The following EFCAB5 variants were observed in gnomAD, a reference collection of about 807,000 sequenced individuals.
EFCAB5 encodes the protein EF-hand calcium binding domain 5.
In EFCAB5, 131 loss-of-function variants were observed where a neutral mutation model predicts 167.9. The ratio of observed to expected loss-of-function variants is 0.78; its 90% CI spans 0.68 to 0.90. The LOEUF (loss-of-function observed/expected upper bound fraction) is 0.90. Ranked by LOEUF, EFCAB5 falls within the 40% of genes least tolerant of loss-of-function variation. The pLI is 0.00. For missense variants in EFCAB5, 1,663 were observed against 1,745.2 expected, an observed-to-expected ratio of 0.95 and a Z score of 0.84; for synonymous variants, 574 against 602.8, an observed-to-expected ratio of 0.95 and a Z score of 0.70.
intron 7 of EFCAB5, among the ~76,000 whole-genome samples, chr17:30,004,163 T>C (rs1299581195): frequency 6.6e-6 from 1 of 152,258 alleles, no homozygotes; most frequent in Non-Finnish European, 1.5e-5. Context: ...ATTCTCCCAA[T>C]GCACATGTGG....
At chr17:30,094,695 A>G (rs1043609178) in intron 22 of EFCAB5, among the ~76,000 whole-genome samples, 1 of 151,998 alleles carries the variant, frequency 6.6e-6, no homozygotes, top group Non-Finnish European at 1.5e-5. Flanking sequence ...AACAACAACA[A>G]CAAAAAGGAG....
At chr17:30,015,399 G>C (rs987045859) in intron 7 of EFCAB5, among the ~76,000 whole-genome samples, 2 of 152,126 alleles carry the variant, frequency 1.3e-5, no homozygotes, top group East Asian at 1.9e-4. Context: ...GTGTTTTCCA[G>C]CTTGGTTCCA....
intron 7 of EFCAB5, among the ~76,000 whole-genome samples, chr17:30,015,593 A>G (rs539434008): frequency 1.3e-5 from 2 of 152,140 alleles, no homozygotes; most frequent in Admixed American, 6.5e-5. Context: ...AAGGGTTGCA[A>G]TTGTTTCACA....
intron 4 of EFCAB5, among the ~76,000 whole-genome samples, chr17:29,981,864 A>G (rs1384809530): frequency 6.6e-6 from 1 of 152,196 alleles, no homozygotes; most frequent in East Asian, 1.9e-4. Context: ...ATCACTATTT[A>G]ATGAGGATGC....
intron 7 of EFCAB5, among the ~76,000 whole-genome samples, chr17:30,015,610 C>T (rs898586741): frequency 6.6e-6 from 1 of 152,180 alleles, no homozygotes; most frequent in African/African-American, 2.4e-5. Flanking sequence ...CACATCCTTG[C>T]CAACACTTAT....
chr17:30,036,352 A>G (rs1040842250), intron 8 of EFCAB5, among the ~76,000 whole-genome samples: 1 of 122,320 alleles, frequency 8.2e-6, no homozygotes, highest in South Asian at 2.2e-4. Context: ...TAATACACAT[A>G]TATAATATAT....
At chr17:29,974,465 C>A (rs916212747) in intron 4 of EFCAB5, among the ~76,000 whole-genome samples, 8 of 151,790 alleles carry the variant, frequency 5.3e-5, no homozygotes, top group African/African-American at 1.7e-4. Flanking sequence ...ATCACTTGAG[C>A]CTGGGAGATC....
chr17:29,984,182 A>C (rs1442825264), intron 4 of EFCAB5, among the ~76,000 whole-genome samples: 1 of 151,964 alleles, frequency 6.6e-6, no homozygotes, highest in East Asian at 1.9e-4. Flanking sequence ...AAAAACACAG[A>C]TACAGAAGAC....
chr17:30,042,690 A>G (rs1159180733), intron 8 of EFCAB5, among the ~76,000 whole-genome samples: 3 of 152,238 alleles, frequency 2.0e-5, no homozygotes, highest in Non-Finnish European at 2.9e-5. Flanking sequence ...AGATAGCATT[A>G]CTAATAAATT....
chr17:30,057,967 T>C (rs2070321180), intron 13 of EFCAB5, 77 bp downstream of exon 13: 4 of 1,323,002 alleles, frequency 3.0e-6, no homozygotes, highest in Admixed American at 2.2e-5. Context: ...TTGCTCCCGA[T>C]GTGGCTCGTG....
At position 30,080,211 on chromosome 17, in the gene EFCAB5, G is replaced by T. The variant is rs201042854; in HGVS notation, c.3167G>T (p.Arg1056Ile). 6.2e-7 allele frequency: 1 copy of T among 1,609,298 alleles called. No individual in the cohort carries two copies. The highest frequency in any genetic ancestry group is 8.5e-7 in the Non-Finnish European group (1 of 1,178,552). The change falls in exon 16 of 23, where the codon AGA becomes ATA. Residue 1056 changes from arginine to isoleucine, a missense_variant. Physicochemically the swap from Arg to Ile is moderately conservative, Grantham distance 97. Coordinates refer to ENST00000394835, the MANE Select transcript of EFCAB5 (RefSeq NM_198529.4). ...GATGATGCTCAATTTGTACTGAACA[G>T]AGTGCTCTACAGGGACATGAAAGGA... is the stretch of plus-strand genomic sequence containing the variant. Reference protein sequence around the residue: ...TLDDAQFVLNRVLYRDMKGIS... With the variant: ...TLDDAQFVLNIVLYRDMKGIS...
At chr17:30,051,905 A>G (rs901125201) in intron 9 of EFCAB5, among the ~76,000 whole-genome samples, 1 of 152,224 alleles carries the variant, frequency 6.6e-6, no homozygotes, top group Non-Finnish European at 1.5e-5. Flanking sequence ...GCATTTACTT[A>G]TACAGTAAAA....
chr17:30,055,759 C>CATAT (rs1437964192), intron 10 of EFCAB5, 129 bp from the exon 11 acceptor site: 1 of 876,028 alleles, frequency 1.1e-6, no homozygotes, highest in African/African-American at 1.7e-5. Context: ...TGCAACACTG[C>CATAT]ATATATGGGA....
At chr17:30,046,725 C>T (rs893018884) in intron 8 of EFCAB5, among the ~76,000 whole-genome samples, 21 of 152,232 alleles carry the variant, frequency 1.4e-4, no homozygotes, top group African/African-American at 5.1e-4. Flanking sequence ...GCAACCCCTT[C>T]TCTCCTGTCT....
chr17:30,048,545 A>G (rs2069992976), intron 8 of EFCAB5, among the ~76,000 whole-genome samples: 1 of 148,118 alleles, frequency 6.8e-6, no homozygotes, highest in Admixed American at 6.8e-5. Flanking sequence ...CCCAGGCTGG[A>G]GTACAGTGTC....
At chr17:30,041,568 G>T (rs1289136918) in intron 8 of EFCAB5, among the ~76,000 whole-genome samples, 1 of 152,174 alleles carries the variant, frequency 6.6e-6, no homozygotes, top group African/African-American at 2.4e-5. Context: ...GACAACAAAG[G>T]ATTTAGATTA....
At chr17:29,932,313 G>C (rs959033031) in intron 1 of EFCAB5, among the ~76,000 whole-genome samples, 14 of 151,124 alleles carry the variant, frequency 9.3e-5, no homozygotes, top group African/African-American at 3.4e-4. Context: ...ACCACACCCG[G>C]CTAGTTTTTA....
At chr17:29,952,824 G>C (rs2067539025) in intron 3 of EFCAB5, among the ~76,000 whole-genome samples, 2 of 152,052 alleles carry the variant, frequency 1.3e-5, no homozygotes, top group Non-Finnish European at 2.9e-5. Context: ...CTTAAGCTAA[G>C]AGTAGATACA....
At chr17:30,080,550 G>GT (rs5819877) in intron 16 of EFCAB5, among the ~76,000 whole-genome samples, 2,307 of 147,766 alleles carry the variant, frequency 0.016, 20 homozygotes, top group East Asian at 0.044. Context: ...ATCCAAGCTT[G>GT]TTTTTTTTTT....
Sources: allele counts gnomAD v4.1 joint callset (sites outside exome capture counted in the v4.1 genomes callset), GRCh38; gene constraint gnomAD v4.1.1; transcripts MANE v1.5; gene names NCBI Gene and HGNC (gene_info 2026-07-23, HGNC 2026-07-21).